Variants in PTTG1IP observed in about 807,000 individuals in gnomAD.
The protein encoded by PTTG1IP is pituitary tumor-transforming gene 1 protein-interacting protein.
Under a neutral mutation model 24.4 loss-of-function variants are expected in PTTG1IP, and 16 were observed. The observed-to-expected ratio is 0.66, with a 90% CI of 0.44 to 1.00. The LOEUF is 1.00. Ranked by LOEUF, PTTG1IP falls within the 50% of genes least tolerant of loss-of-function variation. The probability of loss-of-function intolerance (pLI) is 0.00; values close to 1 mark genes in which losing one functional copy is unlikely to be tolerated. For synonymous variants in PTTG1IP, 89 were observed against 96.8 expected (o/e 0.92, Z 0.47); for missense variants, 241 against 245.8 (o/e 0.98, Z 0.13).
At chr21:44,854,857 C>T (rs113681810) in intron 5 of PTTG1IP, among the ~76,000 whole-genome samples, 4,297 of 152,252 alleles carry the variant, frequency 0.028, 223 homozygotes, top group African/African-American at 0.096. Flanking sequence ...ATGAGAGGGC[C>T]GCCCTGAAAC....
Position 44,861,264 on chromosome 21 carries a change from CAA to C in PTTG1IP, c.174_175del (p.Trp59ValfsTer4). ...CAGACAAGCCTTGTTAGTGTTGCAC[CAA>C]AGACACTGAAAGAGACCAACATTAA... On this transcript the variant is annotated frameshift_variant, in exon 3 of 6. Transcript: ENST00000330938. LOFTEE classifies it high-confidence loss of function. 4 of 1,612,174 alleles carry C rather than the reference CAA, an allele frequency of 2.5e-6. No homozygotes were observed. The highest frequency in any genetic ancestry group is 3.4e-6 in the Non-Finnish European group (4 of 1,178,520).
chr21:44,864,483 G>A (rs556592481), intron 2 of PTTG1IP, among the ~76,000 whole-genome samples: 92 of 152,308 alleles, frequency 6.0e-4, no homozygotes, highest in African/African-American at 2.0e-3. Context: ...TGCAACCTCC[G>A]ACTTCCGGTT....
At chr21:44,860,350 AAAAT>A (rs542162032) in intron 3 of PTTG1IP, among the ~76,000 whole-genome samples, 43 of 152,228 alleles carry the variant, frequency 2.8e-4, no homozygotes, top group African/African-American at 8.2e-4. Context: ...GCCCGTCTCA[AAAAT>A]AAATAAATAA....
At chr21:44,860,914 C>CT (rs1357490048) in intron 3 of PTTG1IP, among the ~76,000 whole-genome samples, 2 of 152,204 alleles carry the variant, frequency 1.3e-5, no homozygotes, top group African/African-American at 4.8e-5. Context: ...AGCAATTCTC[C>CT]TGTCTCAGCC....
At chr21:44,854,600 C>T (rs1241951154) in intron 5 of PTTG1IP, among the ~76,000 whole-genome samples, 4 of 152,226 alleles carry the variant, frequency 2.6e-5, no homozygotes, top group African/African-American at 9.7e-5. Flanking sequence ...GTGAACATCA[C>T]GTGGTTTGGG....
chr21:44,862,890 CCTTTT>C (rs1412252735), intron 2 of PTTG1IP, among the ~76,000 whole-genome samples: 2 of 152,160 alleles, frequency 1.3e-5, no homozygotes, highest in Non-Finnish European at 2.9e-5. Flanking sequence ...GCTAATCCTC[CCTTTT>C]CAAGTGGCTC....
chr21:44,873,664 C>T lies in PTTG1IP; in HGVS notation c.-48G>A. On this transcript the variant is annotated 5_prime_UTR_variant, in exon 1 of 6. Coordinates refer to ENST00000330938, the MANE Select transcript of PTTG1IP (RefSeq NM_004339.4). Reference sequence around the variant, plus strand: ...TCAGTGGAGCGTTACAACTCCGACTCCAGCACAAGCGGTCTCCGCCCGGAA... The same window carrying T: ...TCAGTGGAGCGTTACAACTCCGACTTCAGCACAAGCGGTCTCCGCCCGGAA... The T allele has an allele frequency of 3.8e-6, 5 of 1,320,898 alleles. No individual in the cohort carries two copies. Among genetic ancestry groups the T allele is most frequent in the Non-Finnish European group, 4.8e-6 (5 of 1,031,230 alleles). The allele number at this position is 1,320,898 out of a possible 1,614,324, so 81.8% of individuals were successfully genotyped here.
Position 44,873,531 on chromosome 21 carries a change from A to G in PTTG1IP, c.86T>C (p.Val29Ala). The change falls in exon 1 of 6, where the codon GTG becomes GCG. Residue 29 changes from valine to alanine, a missense_variant. Physicochemically the swap from Val to Ala is moderately conservative, Grantham distance 64. Transcript: ENST00000330938. ...TCCGGGAGGCTCCTGCGCGGCGGCC[A>G]CCGGGATGAGCAGCAGGAGCAGCGC... ...GAALLLLLIP[V>A]AAAQEPPGAA... The G allele has an allele frequency of 6.8e-7, 1 of 1,460,858 alleles. No individual in the cohort carries two copies. The highest frequency in any genetic ancestry group is 9.0e-7 in the Non-Finnish European group (1 of 1,111,838). The allele number at this position is 1,460,858 out of a possible 1,614,324, so 90.5% of individuals were successfully genotyped here. A position where few individuals can be genotyped will look rare whatever the true frequency, so the allele number is the denominator to read the frequency against.
intron 2 of PTTG1IP, among the ~76,000 whole-genome samples, chr21:44,864,301 C>A (rs1235240151): frequency 6.6e-6 from 1 of 152,250 alleles, no homozygotes; most frequent in East Asian, 1.9e-4. Context: ...CCAAGAGCTG[C>A]GTGGCAAGGC....
intron 5 of PTTG1IP, 148 bp from the exon 6 acceptor site, chr21:44,851,775 C>A (rs2083413179): frequency 5.4e-6 from 5 of 928,956 alleles, no homozygotes; most frequent in African/African-American, 5.0e-5. Flanking sequence ...CAGTGCTTAA[C>A]CTTTTTTGAA....
In PTTG1IP at chr21:44,873,494, G is replaced by A; in HGVS notation, c.115+8C>T. The A allele has an allele frequency of 1.4e-6, 2 of 1,410,834 alleles. No homozygotes were observed. Among genetic ancestry groups the A allele is most frequent in the South Asian group, 1.5e-5 (1 of 68,766 alleles). 87.4% of individuals were successfully genotyped at this position (1,410,834 alleles called of 1,614,324 possible). On this transcript the variant is annotated splice_region_variant and intron_variant, in intron 1 of 5. Transcript: ENST00000330938. The stretch of plus-strand genomic sequence containing the variant: ...CCTTCGCGGCCCCGCCCGCCCCGGC[G>A]CCCTCACCAGCTCCGGGAGGCTCCT...
At chr21:44,852,948 C>A (rs2083421533) in intron 5 of PTTG1IP, among the ~76,000 whole-genome samples, 1 of 152,124 alleles carries the variant, frequency 6.6e-6, no homozygotes, top group African/African-American at 2.4e-5. Context: ...TACAAACTGG[C>A]ACAAAAAGCT....
chr21:44,871,144 A>T (rs1188855864), intron 1 of PTTG1IP, among the ~76,000 whole-genome samples: 1 of 152,264 alleles, frequency 6.6e-6, no homozygotes, highest in African/African-American at 2.4e-5. Flanking sequence ...AAACTCCACT[A>T]TTTCAAAAGA....
In PTTG1IP at chr21:44,873,640, C is replaced by A; in HGVS notation, c.-24G>T. On this transcript the variant is annotated 5_prime_UTR_variant, in exon 1 of 6. Coordinates refer to ENST00000330938, the MANE Select transcript of PTTG1IP (RefSeq NM_004339.4). ...ATGGTCGGCCGGTCGCTCTATCAGT[C>A]AGTGGAGCGTTACAACTCCGACTCC... 5 of 1,390,600 alleles carry A rather than the reference C, an allele frequency of 3.6e-6. No individual in the cohort carries two copies. In the South Asian group the frequency reaches 6.0e-5, roughly 17 times the overall value. 86.1% of individuals were successfully genotyped at this position (1,390,600 alleles called of 1,614,324 possible).
intron 2 of PTTG1IP, among the ~76,000 whole-genome samples, chr21:44,861,481 C>T (rs1176327172): frequency 2.0e-5 from 3 of 152,214 alleles, no homozygotes; most frequent in Non-Finnish European, 4.4e-5. Flanking sequence ...CAGCTCTCCA[C>T]GGACTCATCC....
At chr21:44,860,163 T>C (rs1008655528) in intron 3 of PTTG1IP, among the ~76,000 whole-genome samples, 2 of 152,064 alleles carry the variant, frequency 1.3e-5, no homozygotes, top group African/African-American at 4.8e-5. Context: ...GGTCAGGAGA[T>C]CGAGACCATC....
Position 44,855,671 on chromosome 21 carries a change from G to A in PTTG1IP, c.450-415C>T, listed in dbSNP as rs147669422. 2.9e-3 allele frequency among the ~76,000 whole-genome samples: 437 copies of A among 152,234 alleles called. 3 individuals are homozygous for A. Among genetic ancestry groups the A allele is most frequent in the African/African-American group, 9.7e-3 (405 of 41,550 alleles). ...GGTGACTACATGGAAAATCTGTCCC[G>A]CTTCCACCCTCGCCCGCCGCCAACC... On this transcript the variant is annotated intron_variant, in intron 4 of 5. Coordinates refer to ENST00000330938, the MANE Select transcript of PTTG1IP (RefSeq NM_004339.4).
Position 44,865,375 on chromosome 21 carries a change from C to G in PTTG1IP, c.168+20G>C, listed in dbSNP as rs1215591100. The G allele has an allele frequency of 2.5e-6, 4 of 1,613,224 alleles. No individual in the cohort carries two copies. Among genetic ancestry groups the G allele is most frequent in the South Asian group, 1.1e-5 (1 of 91,062 alleles). On this transcript the variant is annotated intron_variant, in intron 2 of 5. Transcript: ENST00000330938. ...GACGGTCTGGACGGCACTCTGGTCT[C>G]TAGTCCACGTGCTACTTACGGAGAC...
chr21:44,868,496 G>C (rs1432581134), intron 1 of PTTG1IP, among the ~76,000 whole-genome samples: 1 of 152,138 alleles, frequency 6.6e-6, no homozygotes, highest in Non-Finnish European at 1.5e-5. Flanking sequence ...GGCAGGAAGT[G>C]AACACATGAG....
Sources: allele counts gnomAD v4.1 joint callset (sites outside exome capture counted in the v4.1 genomes callset), GRCh38; gene constraint gnomAD v4.1.1; transcripts MANE v1.5; gene names NCBI Gene and HGNC (gene_info 2026-07-23, HGNC 2026-07-21).